GRID2: variants seen among roughly 807,000 people sequenced by gnomAD.
GRID2 encodes the protein glutamate ionotropic receptor delta type subunit 2, also known as glutamate receptor ionotropic, delta-2.
Under a neutral mutation model 114.8 loss-of-function variants are expected in GRID2, and 33 were observed. The ratio of observed to expected loss-of-function variants is 0.29; its 90% CI spans 0.22 to 0.38. The LOEUF is 0.38. Among genes scored for constraint, GRID2 ranks in the 10% least tolerant of loss-of-function variants. GRID2 has a pLI of 1.00. For missense variants in GRID2, 1,184 were observed against 1,257.7 expected (o/e 0.94, Z 0.89); for synonymous variants, 505 against 449.9 (o/e 1.12, Z -1.55).
At chr4:92,564,001 C>A (rs955414450) in intron 1 of GRID2, among the ~76,000 whole-genome samples, 1 of 152,022 alleles carries the variant, frequency 6.6e-6, no homozygotes, top group African/African-American at 2.4e-5. Flanking sequence ...CTATATTCTT[C>A]TACATAACAT....
At chr4:93,160,305 T>C (rs1737573366) in intron 4 of GRID2, among the ~76,000 whole-genome samples, 1 of 151,840 alleles carries the variant, frequency 6.6e-6, no homozygotes, top group African/African-American at 2.4e-5. Context: ...CATTGAATGC[T>C]TAAGAAAAAA....
chr4:93,686,599 G>T (rs1578571025), intron 14 of GRID2, among the ~76,000 whole-genome samples: 1 of 152,116 alleles, frequency 6.6e-6, no homozygotes, highest in East Asian at 1.9e-4. Context: ...GAAAGTTGTG[G>T]ATTGGGGTGG....
intron 8 of GRID2, among the ~76,000 whole-genome samples, chr4:93,330,602 A>G (rs1246636803): frequency 6.6e-6 from 1 of 152,136 alleles, no homozygotes; most frequent in African/African-American, 2.4e-5. Flanking sequence ...AATAAAAACC[A>G]AGAGTCCTAC....
intron 4 of GRID2, among the ~76,000 whole-genome samples, chr4:93,116,920 C>T (rs879826364): frequency 6.6e-6 from 1 of 151,998 alleles, no homozygotes; most frequent in African/African-American, 2.4e-5. Context: ...GGACCAAACT[C>T]TGTATTTCCC....
chr4:92,994,317 A>G lies in GRID2; in HGVS notation c.245-90678A>G, dbSNP rs569793528. On this transcript the variant is annotated intron_variant, in intron 2 of 15. Coordinates refer to ENST00000282020, the MANE Select transcript of GRID2 (RefSeq NM_001510.4). The stretch of plus-strand genomic sequence containing the variant: ...CAACAAATCCTTAGAATCATGTAAC[A>G]TGTTTCGCACTTTAAGTTATTGTTT... Among the ~76,000 whole-genome samples the G allele has an allele frequency of 9.9e-5, 15 of 152,120 alleles. No homozygotes were observed. In the South Asian group the frequency reaches 2.9e-3, roughly 30 times the overall value.
chr4:93,128,886 C>T (rs11931460), intron 4 of GRID2, among the ~76,000 whole-genome samples: 8,155 of 152,196 alleles, frequency 0.054, 354 homozygotes, highest in East Asian at 0.2. Flanking sequence ...GTAGAACTTA[C>T]GCTTTGCATT....
At chr4:92,754,697 A>G (rs1560573548) in intron 2 of GRID2, among the ~76,000 whole-genome samples, 2 of 152,180 alleles carry the variant, frequency 1.3e-5, no homozygotes, top group South Asian at 4.1e-4. Flanking sequence ...GAACCAGTGT[A>G]TTTTGAAATG....
chr4:93,486,776 T>G (rs1014010791), intron 11 of GRID2, among the ~76,000 whole-genome samples: 2 of 151,802 alleles, frequency 1.3e-5, no homozygotes, highest in African/African-American at 4.8e-5. Context: ...ATGTGAAAGA[T>G]TGGCCTATAA....
At chr4:92,585,678 G>T (rs1728399970) in intron 1 of GRID2, among the ~76,000 whole-genome samples, 1 of 151,672 alleles carries the variant, frequency 6.6e-6, no homozygotes, top group Non-Finnish European at 1.5e-5. Context: ...TCTCAATATT[G>T]TTAGAGGAAA....
chr4:92,747,165 C>G (rs1310937868), intron 2 of GRID2, among the ~76,000 whole-genome samples: 1 of 151,890 alleles, frequency 6.6e-6, no homozygotes, highest in Admixed American at 6.6e-5. Context: ...AAAATGATAT[C>G]TATTGCCGTT....
intron 8 of GRID2, among the ~76,000 whole-genome samples, chr4:93,270,861 T>G (rs1383259733): frequency 6.6e-6 from 1 of 152,116 alleles, no homozygotes; most frequent in African/African-American, 2.4e-5. Context: ...ACTCCTGACC[T>G]CAGGTGATCC....
intron 2 of GRID2, among the ~76,000 whole-genome samples, chr4:92,739,224 A>G (rs1187505501): frequency 6.6e-6 from 1 of 152,170 alleles, no homozygotes; most frequent in Non-Finnish European, 1.5e-5. Context: ...TACAGAGTGT[A>G]ATGGGAATAT....
chr4:92,363,390 A>G (rs976529749), intron 1 of GRID2, among the ~76,000 whole-genome samples: 2 of 152,092 alleles, frequency 1.3e-5, no homozygotes, highest in Admixed American at 6.6e-5. Flanking sequence ...CTTCAGAACA[A>G]TAAGAACTCT....
At chr4:92,693,957 T>C (rs888490412) in intron 2 of GRID2, among the ~76,000 whole-genome samples, 6 of 151,832 alleles carry the variant, frequency 4.0e-5, no homozygotes, top group Admixed American at 3.9e-4. Context: ...AATTTAGGGG[T>C]TAAGAAATAA....
At chr4:92,898,027 T>C (rs1747294877) in intron 2 of GRID2, among the ~76,000 whole-genome samples, 2 of 152,082 alleles carry the variant, frequency 1.3e-5, no homozygotes, top group Admixed American at 1.3e-4. Flanking sequence ...ATCTGAAAAA[T>C]TGTAAGTTAA....
intron 1 of GRID2, among the ~76,000 whole-genome samples, chr4:92,563,879 C>T (rs1727218236): frequency 6.6e-6 from 1 of 152,084 alleles, no homozygotes; most frequent in African/African-American, 2.4e-5. Context: ...TCAGTGCGCA[C>T]TCCATACATT....
At chr4:92,779,697 T>G (rs1738980313) in intron 2 of GRID2, among the ~76,000 whole-genome samples, 1 of 152,082 alleles carries the variant, frequency 6.6e-6, no homozygotes, top group Non-Finnish European at 1.5e-5. Context: ...GTGCAAGATA[T>G]CTCCCCTTTT....
chr4:92,420,992 T>A (rs920929694), intron 1 of GRID2, among the ~76,000 whole-genome samples: 1 of 152,072 alleles, frequency 6.6e-6, no homozygotes, highest in Non-Finnish European at 1.5e-5. Context: ...GCCCTCACAC[T>A]GAAGTTTTTT....
At chr4:92,705,551 C>G (rs943110847) in intron 2 of GRID2, among the ~76,000 whole-genome samples, 11 of 152,150 alleles carry the variant, frequency 7.2e-5, no homozygotes, top group African/African-American at 2.7e-4. Flanking sequence ...TCTGTAGAAG[C>G]TTGTTGAATG....
Sources: allele counts gnomAD v4.1 joint callset (sites outside exome capture counted in the v4.1 genomes callset), GRCh38; gene constraint gnomAD v4.1.1; transcripts MANE v1.5; gene names NCBI Gene and HGNC (gene_info 2026-07-23, HGNC 2026-07-21).